SENP2: variants seen among roughly 807,000 people sequenced by gnomAD.
The protein encoded by SENP2 is SUMO specific peptidase 2.
A neutral mutation model predicts 86.3 loss-of-function variants in SENP2; 16 were observed. The ratio of observed to expected loss-of-function variants is 0.19; its 90% CI spans 0.13 to 0.28. The LOEUF is 0.28. SENP2 is among the 10% of genes least tolerant of loss of function. SENP2 has a pLI of 1.00. For synonymous variants in SENP2, 222 were observed against 238.7 expected (o/e 0.93, Z 0.64); for missense variants, 552 against 703.0 (o/e 0.79, Z 2.43).
intron 15 of SENP2, among the ~76,000 whole-genome samples, chr3:185,624,701 C>T (rs1243287250): frequency 6.6e-6 from 1 of 151,834 alleles, no homozygotes; most frequent in Non-Finnish European, 1.5e-5. Flanking sequence ...CATGACAAAA[C>T]CTTGTCACCA....
chr3:185,614,540 G>T, intron 10 of SENP2, 24 bp from the exon 11 acceptor site: 1 of 1,583,074 alleles, frequency 6.3e-7, no homozygotes, highest in East Asian at 2.2e-5. Context: ...CATGTCAGTA[G>T]AATTTAGATA....
intron 8 of SENP2, chr3:185,612,125 C>G (rs1035402442): frequency 1.2e-5 from 2 of 163,272 alleles, no homozygotes; most frequent in African/African-American, 4.9e-5. Flanking sequence ...CCACTGCACT[C>G]CAGCCTGGGT....
At chr3:185,620,571 T>G (rs558829254) in intron 13 of SENP2, among the ~76,000 whole-genome samples, 70 of 151,982 alleles carry the variant, frequency 4.6e-4, no homozygotes, top group African/African-American at 1.5e-3. Context: ...GCCTCCTGAG[T>G]AGCTGGGATT....
rs1721787375 is a variant in SENP2, at chr3:185,586,512, C to T, written c.99C>T (p.Asp33=). Residue 33 remains aspartate, a splice_region_variant and synonymous_variant, in exon 1 of 17, where the codon GAC becomes GAT. Transcript: ENST00000296257. The surrounding 1 kb of genome is among the most constrained non-coding windows in gnomAD (Gnocchi z 4.3). ...CCCTCCTGAAGAGGCGGCGCTCAGA[C>T]AGGTGAGACGAGAGGGGGCTGAGCG... is the stretch of plus-strand genomic sequence containing the variant. ...ARALLKRRRS[D]STLFSTVDTD... is the part of the protein sequence containing the mutation. 1 of 1,612,742 alleles carries T rather than the reference C, an allele frequency of 6.2e-7. No individual in the cohort carries two copies.
intron 7 of SENP2, among the ~76,000 whole-genome samples, chr3:185,610,308 C>T (rs1273649647): frequency 6.6e-6 from 1 of 151,786 alleles, no homozygotes; most frequent in Non-Finnish European, 1.5e-5. Context: ...TTACAGGCGT[C>T]CACCGCCACG....
chr3:185,627,663 A>T (rs1171524482), intron 16 of SENP2, among the ~76,000 whole-genome samples: 2 of 152,024 alleles, frequency 1.3e-5, no homozygotes, highest in Non-Finnish European at 2.9e-5. Flanking sequence ...CACCTGCCTC[A>T]GCCTCCCAAA....
At chr3:185,629,453 C>T (rs188879019) in intron 16 of SENP2, among the ~76,000 whole-genome samples, 4 of 152,112 alleles carry the variant, frequency 2.6e-5, no homozygotes, top group African/African-American at 9.6e-5. Flanking sequence ...TGGCACATAC[C>T]TGTAGTCCCA....
intron 6 of SENP2, among the ~76,000 whole-genome samples, chr3:185,607,756 G>T (rs764860389): frequency 6.6e-6 from 1 of 151,850 alleles, no homozygotes; most frequent in African/African-American, 2.4e-5. Context: ...AAACTCGTGG[G>T]CTCAAGCGAT....
At chr3:185,588,337 G>C (rs1201784964) in intron 1 of SENP2, among the ~76,000 whole-genome samples, 1 of 151,744 alleles carries the variant, frequency 6.6e-6, no homozygotes, top group African/African-American at 2.4e-5. Context: ...GAGCCACCGC[G>C]CCCGGCCCTC....
At chr3:185,623,826 CAAAA>C (rs63707460) in intron 14 of SENP2, among the ~76,000 whole-genome samples, 168 bp from the exon 15 acceptor site, 9 of 47,788 alleles carry the variant, frequency 1.9e-4, no homozygotes, top group South Asian at 3.0e-3. Flanking sequence ...GACTCTGTCT[CAAAA>C]AAAAAAAAAA....
At chr3:185,596,068 C>T (rs558117668) in intron 2 of SENP2, among the ~76,000 whole-genome samples, 18 of 152,178 alleles carry the variant, frequency 1.2e-4, no homozygotes, top group African/African-American at 4.1e-4. Context: ...TGGATTCAAA[C>T]GATTCTGCTG....
intron 8 of SENP2, chr3:185,612,156 A>G (rs1185851489): frequency 6.5e-6 from 1 of 153,030 alleles, no homozygotes; most frequent in East Asian, 1.8e-4. Context: ...CTCTGTCTCA[A>G]AAAAAAAAAA....
chr3:185,594,572 C>T (rs576003031), intron 2 of SENP2, among the ~76,000 whole-genome samples: 2 of 150,498 alleles, frequency 1.3e-5, no homozygotes, highest in African/African-American at 4.9e-5. Flanking sequence ...AAAAGCAAAG[C>T]AAGGGTAAAA....
At chr3:185,590,212 A>G in intron 2 of SENP2, 43 bp downstream of exon 2, 1 of 1,038,554 alleles carries the variant, frequency 9.6e-7, no homozygotes, top group Non-Finnish European at 1.4e-6. Flanking sequence ...TTTAAATAGG[A>G]AAAATATATG....
rs747082076 is a variant in SENP2, at chr3:185,606,319, C to G, written c.450-11C>G. ...GGTGATACTTTTTTTCTTTTTTTTTCTGTTGCTCAGTTTTACTTTGAACTC... is the reference window on the plus strand; with the variant it reads ...GGTGATACTTTTTTTCTTTTTTTTTGTGTTGCTCAGTTTTACTTTGAACTC... On this transcript the variant is annotated splice_polypyrimidine_tract_variant and intron_variant, in intron 5 of 16. Transcript: ENST00000296257. 6.5e-7 allele frequency: 1 copy of G among 1,547,082 alleles called. No individual in the cohort carries two copies. Among genetic ancestry groups the G allele is most frequent in the South Asian group, 1.3e-5 (1 of 79,470 alleles).
chr3:185,596,751 C>T (rs1379860821), intron 2 of SENP2, among the ~76,000 whole-genome samples: 1 of 152,130 alleles, frequency 6.6e-6, no homozygotes, highest in Non-Finnish European at 1.5e-5. Context: ...GCTAGTGAGA[C>T]TATGACAGTG....
intron 2 of SENP2, among the ~76,000 whole-genome samples, chr3:185,590,821 ACTGCACT>A (rs111437244): frequency 0.34 from 38,514 of 111,960 alleles, 7,037 homozygotes; most frequent in South Asian, 0.51. Flanking sequence ...AGAATCTGCT[ACTGCACT>A]CTGCACTCCA....
rs1290730252 is a variant in SENP2, at chr3:185,611,878, C to T, written c.817+133C>T. ...ACTGTCAAATCTCACAGCATTGGGC[C>T]GGGCGCGGTGGCTTACGCCTGCAAT... On this transcript the variant is annotated intron_variant, in intron 8 of 16. Coordinates refer to ENST00000296257, the MANE Select transcript of SENP2 (RefSeq NM_021627.3). The T allele has an allele frequency of 7.8e-5, 53 of 683,068 alleles. No individual in the cohort carries two copies. In the Admixed American group the frequency reaches 8.0e-4, roughly 10 times the overall value. 42.3% of individuals were successfully genotyped at this position (683,068 alleles called of 1,614,324 possible).
intron 5 of SENP2, among the ~76,000 whole-genome samples, chr3:185,602,853 A>AAG (rs1722390404): frequency 6.7e-6 from 1 of 149,872 alleles, no homozygotes; most frequent in Admixed American, 6.6e-5. Flanking sequence ...AAAAAAAAAA[A>AAG]AAAAGTTTGA....
Sources: allele counts gnomAD v4.1 joint callset (sites outside exome capture counted in the v4.1 genomes callset), GRCh38; gene constraint gnomAD v4.1.1; non-coding constraint Gnocchi (gnomAD v3.1); transcripts MANE v1.5; gene names NCBI Gene and HGNC (gene_info 2026-07-23, HGNC 2026-07-21).